Variants in PTAFR observed in about 807,000 individuals in gnomAD.
The protein encoded by PTAFR is platelet activating factor receptor.
Under a neutral mutation model 14.7 loss-of-function variants are expected in PTAFR, and 8 were observed. That is an observed-to-expected ratio of 0.54 (90% CI 0.32 to 0.98). PTAFR has a LOEUF of 0.98. Ranked by LOEUF, PTAFR falls within the 50% of genes least tolerant of loss-of-function variation. The pLI, the probability that PTAFR is intolerant of heterozygous loss-of-function variation, is 0.04. For synonymous variants in PTAFR, 156 were observed against 176.5 expected, an observed-to-expected ratio of 0.88 and a Z score of 0.92; for missense variants, 337 against 451.2, an observed-to-expected ratio of 0.75 and a Z score of 2.29.
chr1:28,163,995 A>G (rs1646354830), intron 1 of PTAFR, among the ~76,000 whole-genome samples: 1 of 152,196 alleles, frequency 6.6e-6, no homozygotes, highest in Non-Finnish European at 1.5e-5. Flanking sequence ...GGCCATAAAT[A>G]TTCATGAGAC....
intron 1 of PTAFR, among the ~76,000 whole-genome samples, chr1:28,165,425 A>AG (rs142169383): frequency 1.4e-5 from 2 of 143,810 alleles, no homozygotes; most frequent in Admixed American, 1.4e-4. Flanking sequence ...AAAAAAAAAA[A>AG]GGAAAAAAAA....
At chr1:28,181,599 G>A (rs1370598099), upstream of PTAFR, among the ~76,000 whole-genome samples, 10 of 151,918 alleles carry the variant, frequency 6.6e-5, no homozygotes, top group East Asian at 1.9e-4. Flanking sequence ...CAAAATTGCC[G>A]GGCATAGTGG....
In PTAFR at chr1:28,150,061, T is replaced by C. The variant is rs777684243; in HGVS notation, c.961A>G (p.Thr321Ala). The C allele has an allele frequency of 1.8e-5, 29 of 1,614,196 alleles. No homozygotes were observed. In the Admixed American group the frequency reaches 4.8e-4, roughly 27 times the overall value. Reference protein sequence around the residue: ...MRSSRKCSRATTDTVTEVVVP... With the variant: ...MRSSRKCSRAATDTVTEVVVP... ...ACCACTTCAGTGACCGTATCCGTGGTGGCCCGGGAGCATTTCCGGCTACTG... is the reference window on the plus strand; with the variant it reads ...ACCACTTCAGTGACCGTATCCGTGGCGGCCCGGGAGCATTTCCGGCTACTG... Residue 321 changes from threonine to alanine, a missense_variant, in exon 2 of 2, where the codon ACC becomes GCC. Transcript: ENST00000373857. This position sits in a 1 kb window ranked among gnomAD's most constrained non-coding sequence, Gnocchi z 6.3.
At chr1:28,171,552 C>G (rs17162976) in intron 1 of PTAFR, among the ~76,000 whole-genome samples, 4,807 of 152,156 alleles carry the variant, frequency 0.032, 260 homozygotes, top group African/African-American at 0.11. Context: ...AGGATTTGAG[C>G]GACGAATTAA....
chr1:28,178,803 C>T (rs1005735083), upstream of PTAFR, among the ~76,000 whole-genome samples: 13 of 152,052 alleles, frequency 8.5e-5, no homozygotes, highest in African/African-American at 2.9e-4. Flanking sequence ...GGCTCATCTC[C>T]TTCCTCGAGT....
intron 1 of PTAFR, among the ~76,000 whole-genome samples, chr1:28,187,535 C>T (rs2149008663): frequency 6.6e-6 from 1 of 152,182 alleles, no homozygotes; most frequent in East Asian, 1.9e-4. Context: ...AAGACAGAGT[C>T]TCGCTCGTCA....
chr1:28,164,456 C>T (rs1572036532), intron 1 of PTAFR, among the ~76,000 whole-genome samples: 1 of 152,232 alleles, frequency 6.6e-6, no homozygotes, highest in East Asian at 1.9e-4. Context: ...GATCCAAGTA[C>T]TCCTTGCTCT....
intron 1 of PTAFR, among the ~76,000 whole-genome samples, chr1:28,154,361 AT>A (rs1325670483): frequency 6.6e-6 from 1 of 152,062 alleles, no homozygotes; most frequent in African/African-American, 2.4e-5. Flanking sequence ...TCCAACAAAT[AT>A]TTCTGAGCAC....
intron 1 of PTAFR, among the ~76,000 whole-genome samples, chr1:28,168,940 T>C (rs181077082): frequency 6.6e-6 from 1 of 152,120 alleles, no homozygotes; most frequent in East Asian, 1.9e-4. Context: ...AGTGCTGGGA[T>C]TACCAGCATG....
chr1:28,177,565 T>C (rs1048140034), upstream of PTAFR, among the ~76,000 whole-genome samples: 2 of 152,214 alleles, frequency 1.3e-5, no homozygotes, highest in East Asian at 3.8e-4. Context: ...TGTGTTTGTT[T>C]TTTTGTTCAT....
chr1:28,156,656 T>G (rs552250749), intron 1 of PTAFR, among the ~76,000 whole-genome samples: 165 of 152,336 alleles, frequency 1.1e-3, no homozygotes, highest in African/African-American at 3.7e-3. Flanking sequence ...AAAAGCTCTT[T>G]GGCACCCTCA....
intron 1 of PTAFR, among the ~76,000 whole-genome samples, chr1:28,153,348 G>A (rs941329483): frequency 3.3e-5 from 5 of 152,138 alleles, no homozygotes; most frequent in African/African-American, 1.2e-4. Flanking sequence ...TTACATTGCA[G>A]TGGGCATGAC....
rs1165813776 is a variant in PTAFR, at chr1:28,184,082, GTTTTTTTTTTTTTT to G, written c.-39+9626_-39+9639del. ...TCCATACTCACGTCCCCATTAGTCT[GTTTTTTTTTTTTTT>G]TTTTTTTTTTTTTTGAGCTGGAGTC... On this transcript the variant is annotated intron_variant, in intron 1 of 1. Transcript: ENST00000305392. 3.5e-3 allele frequency among the ~76,000 whole-genome samples: 289 copies of G among 82,420 alleles called. 6 individuals are homozygous for G. Among genetic ancestry groups the G allele is most frequent in the African/African-American group, 0.014 (279 of 20,156 alleles). The allele number at this position is 82,420 out of a possible 152,430, so 54.1% of individuals were successfully genotyped here.
intron 1 of PTAFR, among the ~76,000 whole-genome samples, chr1:28,158,561 G>C (rs1377414455): frequency 1.3e-5 from 2 of 152,178 alleles, no homozygotes; most frequent in Non-Finnish European, 2.9e-5. Flanking sequence ...AGCCGGGTGT[G>C]GTGGCACGCA....
intron 1 of PTAFR, among the ~76,000 whole-genome samples, chr1:28,162,148 C>G (rs542979017): frequency 6.6e-6 from 1 of 152,144 alleles, no homozygotes; most frequent in Non-Finnish European, 1.5e-5. Context: ...GCTAAGCAGG[C>G]AAGTAACATG....
chr1:28,167,779 C>G (rs954103169), intron 1 of PTAFR, among the ~76,000 whole-genome samples: 1 of 150,512 alleles, frequency 6.6e-6, no homozygotes, highest in African/African-American at 2.4e-5. Context: ...GCTGGGACTA[C>G]AGGCACCCGC....
chr1:28,184,259 A>G (rs1481571487), intron 1 of PTAFR, among the ~76,000 whole-genome samples: 4 of 151,304 alleles, frequency 2.6e-5, no homozygotes, highest in African/African-American at 9.7e-5. Flanking sequence ...CGCCCAACTG[A>G]TTTTTGTATT....
At chr1:28,189,134 T>C (rs778863257) in intron 1 of PTAFR, among the ~76,000 whole-genome samples, 13 of 152,176 alleles carry the variant, frequency 8.5e-5, no homozygotes, top group Non-Finnish European at 1.6e-4. Flanking sequence ...GTTGTGCCAA[T>C]TAAAAGAAAA....
At chr1:28,173,712 C>T (rs1646479322) in intron 1 of PTAFR, among the ~76,000 whole-genome samples, 2 of 151,670 alleles carry the variant, frequency 1.3e-5, no homozygotes, top group Non-Finnish European at 2.9e-5. Context: ...TGACATGCTT[C>T]TCCCATTAGC....
Sources: allele counts gnomAD v4.1 joint callset (sites outside exome capture counted in the v4.1 genomes callset), GRCh38; gene constraint gnomAD v4.1.1; non-coding constraint Gnocchi (gnomAD v3.1); transcripts MANE v1.5; gene names NCBI Gene and HGNC (gene_info 2026-07-23, HGNC 2026-07-21).